HDAC9: variants seen among roughly 807,000 people sequenced by gnomAD.
HDAC9 encodes histone deacetylase 9, also known as MEF-2 interacting transcription repressor (MITR) protein.
A neutral mutation model predicts 139.4 loss-of-function variants in HDAC9; 41 were observed. That is an observed-to-expected ratio of 0.29 (90% CI 0.23 to 0.38). HDAC9 has a LOEUF of 0.38. HDAC9 is among the 10% of genes least tolerant of loss of function. HDAC9 has a pLI of 1.00. For synonymous variants in HDAC9, 517 were observed against 476.2 expected (o/e 1.09, Z -1.12); for missense variants, 1,147 against 1,297.0 (o/e 0.88, Z 1.78).
At chr7:18,752,175 G>A (rs1160763251) in intron 14 of HDAC9, among the ~76,000 whole-genome samples, 1 of 152,072 alleles carries the variant, frequency 6.6e-6, no homozygotes, top group African/African-American at 2.4e-5. Flanking sequence ...TTTGCCACAT[G>A]TCTTAAGAAT....
chr7:18,950,073 C>T (rs994220376), intron 23 of HDAC9, among the ~76,000 whole-genome samples: 6 of 152,030 alleles, frequency 3.9e-5, no homozygotes, highest in Admixed American at 1.3e-4. Flanking sequence ...GATTAGAGGT[C>T]TAGGTATTGA....
chr7:18,769,408 C>T (rs980540599), intron 16 of HDAC9, among the ~76,000 whole-genome samples: 1 of 152,104 alleles, frequency 6.6e-6, no homozygotes. Flanking sequence ...GCTGACCTCA[C>T]CTGGATGGTG....
At chr7:18,868,918 T>A (rs909752636) in intron 21 of HDAC9, among the ~76,000 whole-genome samples, 2 of 152,078 alleles carry the variant, frequency 1.3e-5, no homozygotes, top group Non-Finnish European at 2.9e-5. Flanking sequence ...AATGTAGAGG[T>A]TCCTGGAGGG....
chr7:18,502,191 G>A (rs1563070484), intron 2 of HDAC9, among the ~76,000 whole-genome samples: 1 of 152,188 alleles, frequency 6.6e-6, no homozygotes, highest in Non-Finnish European at 1.5e-5. Context: ...CAAGCATCAT[G>A]TTATTTATGC....
At chr7:18,118,099 T>G (rs1432998071) in intron 1 of HDAC9, among the ~76,000 whole-genome samples, 1 of 152,220 alleles carries the variant, frequency 6.6e-6, no homozygotes, top group African/African-American at 2.4e-5. Flanking sequence ...TTTAACCCCA[T>G]AGTAAAGCCA....
At chr7:18,631,074 C>G (rs1782174821) in intron 7 of HDAC9, among the ~76,000 whole-genome samples, 1 of 152,044 alleles carries the variant, frequency 6.6e-6, no homozygotes, top group Non-Finnish European at 1.5e-5. Context: ...TTGATCATAG[C>G]TTTTTCTACA....
intron 24 of HDAC9, among the ~76,000 whole-genome samples, chr7:18,965,887 G>A (rs531084386): frequency 6.6e-6 from 1 of 152,290 alleles, no homozygotes; most frequent in South Asian, 2.1e-4. Flanking sequence ...TTAGTAAGGG[G>A]CGGGACATGT....
At chr7:18,924,632 T>G (rs950951481) in intron 22 of HDAC9, among the ~76,000 whole-genome samples, 7 of 152,144 alleles carry the variant, frequency 4.6e-5, no homozygotes, top group Non-Finnish European at 8.8e-5. Context: ...TTAACAAATC[T>G]GTGTAATTTA....
chr7:18,958,303 T>A (rs1783299733), intron 24 of HDAC9, among the ~76,000 whole-genome samples: 1 of 152,142 alleles, frequency 6.6e-6, no homozygotes, highest in Non-Finnish European at 1.5e-5. Context: ...AAAAGTTTCA[T>A]GTTATTCCTT....
chr7:18,601,943 C>G (rs962993080), intron 6 of HDAC9, among the ~76,000 whole-genome samples: 2 of 152,092 alleles, frequency 1.3e-5, no homozygotes, highest in African/African-American at 4.8e-5. Flanking sequence ...CCTATAATGT[C>G]TGTATCTGAT....
At chr7:18,880,262 A>G (rs1187308857) in intron 22 of HDAC9, among the ~76,000 whole-genome samples, 2 of 152,172 alleles carry the variant, frequency 1.3e-5, no homozygotes, top group African/African-American at 2.4e-5. Flanking sequence ...TTCCTCAAAG[A>G]GCTAAAAGTA....
chr7:18,396,653 C>G (rs1195235095), intron 1 of HDAC9, among the ~76,000 whole-genome samples: 1 of 152,110 alleles, frequency 6.6e-6, no homozygotes, highest in African/African-American at 2.4e-5. Flanking sequence ...AGAGACAATG[C>G]CCCTAAGTTT....
intron 1 of HDAC9, among the ~76,000 whole-genome samples, chr7:18,100,209 G>A (rs1346904675): frequency 2.0e-5 from 3 of 151,586 alleles, no homozygotes; most frequent in Non-Finnish European, 4.4e-5. Context: ...CTCCTTTATA[G>A]ATATCAAGTC....
chr7:18,945,945 G>C (rs1782357470), intron 23 of HDAC9, among the ~76,000 whole-genome samples: 1 of 147,270 alleles, frequency 6.8e-6, no homozygotes, highest in African/African-American at 2.5e-5. Context: ...GCTGAGGCTG[G>C]AGAATCGGTT....
At chr7:18,458,307 A>G (rs1793528888) in intron 1 of HDAC9, among the ~76,000 whole-genome samples, 1 of 152,214 alleles carries the variant, frequency 6.6e-6, no homozygotes, top group South Asian at 2.1e-4. Context: ...GAGCTCTTTT[A>G]GGCTTGGTAA....
chr7:18,780,157 G>A (rs1164277227), intron 16 of HDAC9, among the ~76,000 whole-genome samples: 1 of 151,986 alleles, frequency 6.6e-6, no homozygotes, highest in Non-Finnish European at 1.5e-5. Flanking sequence ...GTAAGATCCT[G>A]TAAGACCATG....
chr7:18,440,189 CTTT>C (rs527897900), intron 1 of HDAC9, among the ~76,000 whole-genome samples: 3 of 130,154 alleles, frequency 2.3e-5, no homozygotes, highest in Non-Finnish European at 5.0e-5. Flanking sequence ...TTTTTTTTTT[CTTT>C]TTTTTTTTTT....
intron 2 of HDAC9, among the ~76,000 whole-genome samples, chr7:18,277,490 A>C (rs1796816132): frequency 6.6e-6 from 1 of 152,188 alleles, no homozygotes; most frequent in South Asian, 2.1e-4. Flanking sequence ...AGGTGGGAGG[A>C]GGAGGATGAC....
intron 10 of HDAC9, 85 bp downstream of exon 10, chr7:18,648,083 C>G (rs1207429882): frequency 7.5e-6 from 8 of 1,067,424 alleles, no homozygotes; most frequent in African/African-American, 6.4e-5. Flanking sequence ...TACTCAAGAC[C>G]CTGATGGAGA....
Sources: allele counts gnomAD v4.1 joint callset (sites outside exome capture counted in the v4.1 genomes callset), GRCh38; gene constraint gnomAD v4.1.1; transcripts MANE v1.5; gene names NCBI Gene and HGNC (gene_info 2026-07-23, HGNC 2026-07-21).